The following FAM180A variants were observed in gnomAD, a reference collection of about 807,000 sequenced individuals.
FAM180A encodes the protein family with sequence similarity 180 member A.
FAM180A carries 14 observed loss-of-function variants against 15.3 expected under a neutral mutation model. The observed-to-expected ratio is 0.92, with a 90% CI of 0.61 to 1.43. The LOEUF (loss-of-function observed/expected upper bound fraction) is 1.43, where lower values mean the gene tolerates loss of function less well. Among genes scored for constraint, FAM180A ranks in the 40% most tolerant of loss-of-function variants. The pLI is 0.00. For synonymous variants in FAM180A, 90 were observed against 96.8 expected (o/e 0.93, Z 0.41); for missense variants, 200 against 220.8 (o/e 0.91, Z 0.60).
chr7:135,736,337 T>C (rs1305769627), intron 2 of FAM180A, among the ~76,000 whole-genome samples: 1 of 152,192 alleles, frequency 6.6e-6, no homozygotes, highest in East Asian at 1.9e-4. Context: ...CAGCTGTCTC[T>C]TTCTTAACCA....
chr7:135,737,163 G>C lies in FAM180A; in HGVS notation c.113C>G (p.Ser38Cys), dbSNP rs1401012176. The C allele has an allele frequency of 5.6e-6, 9 of 1,610,150 alleles. No homozygotes were observed. Among genetic ancestry groups the C allele is most frequent in the Non-Finnish European group, 7.6e-6 (9 of 1,178,830 alleles). Residue 38 changes from serine to cysteine, a missense_variant, in exon 2 of 4, where the codon TCC (serine) becomes TGC (cysteine). Transcript: ENST00000338588. ...GACTGGGTTCAATGGCAGTGATGAG[G>C]ACCTCTTTGGCCGGTGGGCGGCAGG... Reference protein sequence around the residue: ...LFPAAHRPKRSSSLPLNPVLQ... With the variant: ...LFPAAHRPKRCSSLPLNPVLQ...
At position 135,748,647 on chromosome 7, in the gene FAM180A, CCG is replaced by C; in HGVS notation, c.-69_-68del. The C allele has an allele frequency of 8.2e-7, 1 of 1,226,412 alleles. No homozygotes were observed. The highest frequency in any genetic ancestry group is 1.2e-6 in the Non-Finnish European group (1 of 828,074). The allele number at this position is 1,226,412 out of a possible 1,614,324, so 76.0% of individuals were successfully genotyped here. ...GGAACCCCAGTAGCTGCAGGTATGC[CCG>C]TGCCGTTCTTCCCAGTGAGATGATG... On this transcript the variant is annotated 5_prime_UTR_variant, in exon 1 of 4. Coordinates refer to ENST00000338588, the MANE Select transcript of FAM180A (RefSeq NM_205855.4).
chr7:135,729,890 A>T lies in FAM180A; in HGVS notation c.*721T>A, dbSNP rs1796756717. 1 of 696,112 alleles carries T rather than the reference A, an allele frequency of 1.4e-6. No homozygotes were observed. Among genetic ancestry groups the T allele is most frequent in the South Asian group, 6.5e-5 (1 of 15,392 alleles). 43.1% of individuals were successfully genotyped at this position (696,112 alleles called of 1,614,324 possible). On this transcript the variant is annotated 3_prime_UTR_variant, in exon 4 of 4. Coordinates refer to ENST00000338588, the MANE Select transcript of FAM180A (RefSeq NM_205855.4). ...AGAGGAGTTGTTCGGTGGGTATAGA[A>T]CTTCAGAATTACAAGATGAGAAAGT...
At position 135,733,793 on chromosome 7, in the gene FAM180A, A is replaced by G; in HGVS notation, c.*182T>C. ...CAGCCCAGGTCACATGATGGCATGA[A>G]TCAGATGTGTCTTCCAGGAAACTAC... On this transcript the variant is annotated 3_prime_UTR_variant, in exon 3 of 4. Coordinates refer to ENST00000338588, the MANE Select transcript of FAM180A (RefSeq NM_205855.4). 4.3e-6 allele frequency: 6 copies of G among 1,395,008 alleles called. No individual in the cohort carries two copies. The highest frequency in any genetic ancestry group is 5.6e-6 in the Non-Finnish European group (6 of 1,079,736). The allele number at this position is 1,395,008 out of a possible 1,614,324, so 86.4% of individuals were successfully genotyped here.
rs181022873 is a variant in FAM180A at position 135,734,003 on chromosome 7, C to T, written c.494G>A (p.Arg165His). ...LFQALRHDLM[R>H]SSQPGVPP ...GGGAGGTACTCCCGGCTGTGAGGAG[C>T]GCATCAAGTCGTGCCTCAGGGCCTG... is the stretch of plus-strand genomic sequence containing the variant. The change falls in exon 3 of 4, where the codon CGC (arginine) becomes CAC (histidine). Residue 165 changes from arginine to histidine, a missense_variant. By Grantham distance (29) the Arg-to-His change is conservative (BLOSUM62 0). Transcript: ENST00000338588. The T allele has an allele frequency of 2.0e-4, 317 of 1,610,190 alleles. 1 individual carries two copies. The highest frequency in any genetic ancestry group is 2.4e-4 in the Non-Finnish European group (277 of 1,177,932).
intron 1 of FAM180A, 95 bp from the exon 2 acceptor site, chr7:135,737,294 C>T (rs6978331): frequency 0.061 from 62,834 of 1,025,832 alleles, 4,933 homozygotes; most frequent in African/African-American, 0.36. Context: ...GTCTTAAAAA[C>T]GGACTGACTT....
intron 1 of FAM180A, among the ~76,000 whole-genome samples, chr7:135,743,229 T>G (rs955388685): frequency 6.6e-6 from 1 of 150,818 alleles, no homozygotes; most frequent in Non-Finnish European, 1.5e-5. Flanking sequence ...TTTTTTTTTT[T>G]TTTTTTTTTG....
intron 1 of FAM180A, among the ~76,000 whole-genome samples, chr7:135,747,699 G>A (rs151126724): frequency 2.0e-5 from 3 of 152,166 alleles, no homozygotes; most frequent in Non-Finnish European, 4.4e-5. Context: ...TTCTTCTTGC[G>A]GTTCTTTCTA....
intron 1 of FAM180A, among the ~76,000 whole-genome samples, chr7:135,744,681 G>GA (rs1797004077): frequency 6.6e-6 from 1 of 152,210 alleles, no homozygotes; most frequent in African/African-American, 2.4e-5. Flanking sequence ...GAAATATGCA[G>GA]AGCGGATGAA....
At chr7:135,738,756 T>G (rs1439262352) in intron 1 of FAM180A, among the ~76,000 whole-genome samples, 1 of 152,196 alleles carries the variant, frequency 6.6e-6, no homozygotes, top group African/African-American at 2.4e-5. Flanking sequence ...CCACAGCCCC[T>G]CTGGGGAGCA....
At chr7:135,741,391 C>T (rs1235641418) in intron 1 of FAM180A, among the ~76,000 whole-genome samples, 3 of 152,088 alleles carry the variant, frequency 2.0e-5, no homozygotes, top group Non-Finnish European at 4.4e-5. Context: ...TACAGGGCAC[C>T]TGTAGTCCCA....
At position 135,730,301 on chromosome 7, in the gene FAM180A, G is replaced by A; in HGVS notation, c.*330-20C>T. 1.0e-6 allele frequency: 1 copy of A among 970,210 alleles called. No homozygotes were observed. The highest frequency in any genetic ancestry group is 1.2e-6 in the Non-Finnish European group (1 of 816,054). 60.1% of individuals were successfully genotyped at this position (970,210 alleles called of 1,614,324 possible). ...TCACGCCTGTAATCCTAGCATTTTG[G>A]GAGGCTGAGGCAGGTGGACCACTTG... On this transcript the variant is annotated intron_variant, in intron 3 of 3. Transcript: ENST00000338588.
At chr7:135,737,586 C>CAAAAAAA (rs35378393) in intron 1 of FAM180A, among the ~76,000 whole-genome samples, 3 of 82,338 alleles carry the variant, frequency 3.6e-5, no homozygotes, top group African/African-American at 1.3e-4. Context: ...GACTCCATGT[C>CAAAAAAA]AAAAAAAAAA....
chr7:135,731,215 C>T (rs115291944), intron 3 of FAM180A, among the ~76,000 whole-genome samples: 2,385 of 152,150 alleles, frequency 0.016, 38 homozygotes, highest in African/African-American at 0.042. Flanking sequence ...ACAAGACTGA[C>T]TATCAGGGTA....
At chr7:135,742,858 G>C (rs1796971673) in intron 1 of FAM180A, among the ~76,000 whole-genome samples, 6 of 152,182 alleles carry the variant, frequency 3.9e-5, no homozygotes, top group Admixed American at 3.9e-4. Context: ...GAAGAAACTT[G>C]GAGGTTAAGA....
At chr7:135,737,443 C>A (rs746096724) in intron 1 of FAM180A, among the ~76,000 whole-genome samples, 1 of 151,776 alleles carries the variant, frequency 6.6e-6, no homozygotes, top group Non-Finnish European at 1.5e-5. Flanking sequence ...AAAAAACAGC[C>A]GGGCATGGTG....
chr7:135,743,108 A>G (rs138258338), intron 1 of FAM180A, among the ~76,000 whole-genome samples: 89 of 152,362 alleles, frequency 5.8e-4, no homozygotes, highest in African/African-American at 2.1e-3. Flanking sequence ...TGGATCACAC[A>G]TACTTTTCAA....
In FAM180A at chr7:135,737,119, C is replaced by T; in HGVS notation, c.157G>A (p.Glu53Lys). The T allele has an allele frequency of 6.2e-7, 1 of 1,613,390 alleles. No individual in the cohort carries two copies. The highest frequency in any genetic ancestry group is 8.5e-7 in the Non-Finnish European group (1 of 1,179,744). The change falls in exon 2 of 4, where the codon GAG (glutamate) becomes AAG (lysine). Residue 53 changes from glutamate (E) to lysine (K), a missense_variant. Physicochemically the swap from Glu to Lys is moderately conservative, Grantham distance 56. Coordinates refer to ENST00000338588, the MANE Select transcript of FAM180A (RefSeq NM_205855.4). ...LNPVLQTSLEEVELLYEFLLA... is the reference protein window; with the variant it reads ...LNPVLQTSLEKVELLYEFLLA... ...CCTACCTCGTAGAGCAGCTCCACCTCCTCCAGGGAGGTCTGCAGGACTGGG... is the reference window on the plus strand; with the variant it reads ...CCTACCTCGTAGAGCAGCTCCACCTTCTCCAGGGAGGTCTGCAGGACTGGG...
chr7:135,746,051 T>C (rs539014982), intron 1 of FAM180A, among the ~76,000 whole-genome samples: 2 of 152,236 alleles, frequency 1.3e-5, no homozygotes, highest in Admixed American at 1.3e-4. Flanking sequence ...AGACATTTGA[T>C]GATGGTTGGA....
Sources: allele counts gnomAD v4.1 joint callset (sites outside exome capture counted in the v4.1 genomes callset), GRCh38; gene constraint gnomAD v4.1.1; transcripts MANE v1.5; gene names NCBI Gene and HGNC (gene_info 2026-07-23, HGNC 2026-07-21).